CSMD3: variants seen among roughly 807,000 people sequenced by gnomAD.
CSMD3 encodes CUB and Sushi multiple domains 3.
Under a neutral mutation model 435.2 loss-of-function variants are expected in CSMD3, and 177 were observed. The ratio of observed to expected loss-of-function variants is 0.41; its 90% CI spans 0.36 to 0.46. CSMD3 has a LOEUF of 0.46. CSMD3 is among the 20% of genes least tolerant of loss of function. The pLI, the probability that CSMD3 is intolerant of heterozygous loss-of-function variation, is 0.34. For missense variants in CSMD3, 4,265 were observed against 4,504.6 expected, an observed-to-expected ratio of 0.95 and a Z score of 1.52; for synonymous variants, 1,656 against 1,520.5, an observed-to-expected ratio of 1.09 and a Z score of -2.07.
At chr8:113,116,864 A>C (rs962172890) in intron 4 of CSMD3, among the ~76,000 whole-genome samples, 6 of 152,108 alleles carry the variant, frequency 3.9e-5, no homozygotes, top group African/African-American at 1.4e-4. Context: ...TTGCTATGCA[A>C]AAAGACTGAT....
At chr8:112,835,157 A>G (rs971608023) in intron 11 of CSMD3, among the ~76,000 whole-genome samples, 2 of 151,886 alleles carry the variant, frequency 1.3e-5, no homozygotes, top group East Asian at 3.9e-4. Flanking sequence ...AAATCCATAG[A>G]TAGCATTAAA....
chr8:112,674,676 C>A (rs539098663), intron 16 of CSMD3, among the ~76,000 whole-genome samples: 6 of 152,244 alleles, frequency 3.9e-5, no homozygotes, highest in East Asian at 3.9e-4. Flanking sequence ...AACCTGCCAG[C>A]TTTTCACCAA....
intron 4 of CSMD3, among the ~76,000 whole-genome samples, chr8:113,165,452 C>T (rs2092131216): frequency 6.6e-6 from 1 of 152,138 alleles, no homozygotes; most frequent in East Asian, 1.9e-4. Context: ...AAACAAAAAA[C>T]TCCAAGTAAA....
chr8:112,904,759 C>T (rs899879851), intron 10 of CSMD3, among the ~76,000 whole-genome samples: 1 of 151,316 alleles, frequency 6.6e-6, no homozygotes, highest in African/African-American at 2.4e-5. Flanking sequence ...GATAGAATTG[C>T]CCTAGATTTT....
In CSMD3 at chr8:112,645,199, G is replaced by T; in HGVS notation, c.3220C>A (p.Pro1074Thr). Residue 1074 changes from proline (P) to threonine (T), a missense_variant, in exon 20 of 71, where the codon CCT becomes ACT. Physicochemically the swap from Pro to Thr is conservative, Grantham distance 38 (BLOSUM62 -1). This residue lies in a region of CSMD3 where 3,255 missense variants were observed against 3,380.2 expected (regional missense o/e 0.96). Coordinates refer to ENST00000297405, the MANE Select transcript of CSMD3 (RefSeq NM_198123.2). ...DALCGGDVRG[P>T]SGTILSPGYP... ...CCAGGTGATAAGATTGTTCCACTAG[G>T]CCCTCTAACATCTCCTCCACATAAT... 6.3e-7 allele frequency: 1 copy of T among 1,596,338 alleles called. No homozygotes were observed. The highest frequency in any genetic ancestry group is 8.6e-7 in the Non-Finnish European group (1 of 1,163,974).
At chr8:113,418,393 A>T (rs1317741133) in intron 1 of CSMD3, among the ~76,000 whole-genome samples, 1 of 152,146 alleles carries the variant, frequency 6.6e-6, no homozygotes, top group East Asian at 1.9e-4. Context: ...GGAATCTTCT[A>T]ATAAGACTGA....
chr8:113,380,616 T>C (rs1181433546), intron 1 of CSMD3, among the ~76,000 whole-genome samples: 1 of 152,086 alleles, frequency 6.6e-6, no homozygotes, highest in Non-Finnish European at 1.5e-5. Context: ...TACTAACACA[T>C]CCAAACTCAA....
At position 113,150,081 on chromosome 8, in the gene CSMD3, G is replaced by A. The variant is rs577821617; in HGVS notation, c.709+23641C>T. Among the ~76,000 whole-genome samples the A allele has an allele frequency of 4.0e-5, 6 of 151,834 alleles. No homozygotes were observed. The South Asian group carries it at 1.2e-3, about 32-fold the overall frequency. On this transcript the variant is annotated intron_variant, in intron 4 of 70. Transcript: ENST00000297405. ...TTTAGTGGTGGCACTGTAATAGGCAGCATATCTATAGTAACAAAGAAGACA... is the reference window on the plus strand; with the variant it reads ...TTTAGTGGTGGCACTGTAATAGGCAACATATCTATAGTAACAAAGAAGACA...
intron 12 of CSMD3, among the ~76,000 whole-genome samples, chr8:112,825,177 A>C (rs955522423): frequency 6.6e-6 from 1 of 151,998 alleles, no homozygotes; most frequent in African/African-American, 2.4e-5. Flanking sequence ...ATTTCTCTCT[A>C]TACTGGTTAT....
At chr8:112,991,495 T>C (rs1240214855) in intron 6 of CSMD3, among the ~76,000 whole-genome samples, 1 of 151,844 alleles carries the variant, frequency 6.6e-6, no homozygotes, top group Non-Finnish European at 1.5e-5. Flanking sequence ...AGAAAGATGG[T>C]TTATGCTATT....
At chr8:113,115,438 C>A (rs2090793105) in intron 4 of CSMD3, among the ~76,000 whole-genome samples, 1 of 152,152 alleles carries the variant, frequency 6.6e-6, no homozygotes, top group African/African-American at 2.4e-5. Context: ...AGAAATCTCC[C>A]AAATACTCCC....
intron 1 of CSMD3, among the ~76,000 whole-genome samples, chr8:113,337,891 A>G (rs1029534048): frequency 6.6e-6 from 1 of 152,040 alleles, no homozygotes; most frequent in African/African-American, 2.4e-5. Context: ...GCATATGTTA[A>G]TTAACTCAGT....
chr8:113,432,484 C>T (rs2094680441), intron 1 of CSMD3, among the ~76,000 whole-genome samples: 1 of 152,196 alleles, frequency 6.6e-6, no homozygotes, highest in Non-Finnish European at 1.5e-5. Context: ...GGGAGAAGAC[C>T]ACTTTGGCTA....
At chr8:112,586,619 T>C (rs187646145) in intron 23 of CSMD3, among the ~76,000 whole-genome samples, 12 of 151,218 alleles carry the variant, frequency 7.9e-5, no homozygotes, top group Admixed American at 3.3e-4. Context: ...ATGCAAAAGA[T>C]TCTTCACGTA....
At chr8:112,346,430 A>G in intron 40 of CSMD3, among the ~76,000 whole-genome samples, 1 of 152,076 alleles carries the variant, frequency 6.6e-6, no homozygotes, top group Admixed American at 6.6e-5. Flanking sequence ...CTTCCTCAGA[A>G]ATAAGTGGAA....
intron 1 of CSMD3, among the ~76,000 whole-genome samples, chr8:113,408,046 T>C (rs959235412): frequency 6.6e-6 from 1 of 152,182 alleles, no homozygotes; most frequent in Non-Finnish European, 1.5e-5. Flanking sequence ...TTTTTAAACC[T>C]TTAAACAAAC....
chr8:112,362,942 T>C (rs921540440), intron 38 of CSMD3, among the ~76,000 whole-genome samples: 1 of 151,960 alleles, frequency 6.6e-6, no homozygotes, highest in African/African-American at 2.4e-5. Flanking sequence ...CATTGTAGTG[T>C]TCTGTGGAAG....
intron 4 of CSMD3, among the ~76,000 whole-genome samples, chr8:113,111,235 T>C (rs118135739): frequency 4.2e-4 from 64 of 152,172 alleles, no homozygotes; most frequent in Non-Finnish European, 7.6e-4. Context: ...CAACAAATCA[T>C]GATTATATAT....
At chr8:112,771,613 A>C (rs1469234907) in intron 13 of CSMD3, among the ~76,000 whole-genome samples, 1 of 152,156 alleles carries the variant, frequency 6.6e-6, no homozygotes, top group East Asian at 1.9e-4. Context: ...AGCAATAATT[A>C]ATTTCTAATG....
Sources: allele counts gnomAD v4.1 joint callset (sites outside exome capture counted in the v4.1 genomes callset), GRCh38; gene constraint gnomAD v4.1.1; regional missense constraint gnomAD v4.1.1; transcripts MANE v1.5; gene names NCBI Gene and HGNC (gene_info 2026-07-23, HGNC 2026-07-21).